Variants in INTS9 observed in about 807,000 individuals in gnomAD.
The protein encoded by INTS9 is protein related to CPSF subunits of 74 kDa.
In INTS9, 55 loss-of-function variants were observed where a neutral mutation model predicts 79.7. That is an observed-to-expected ratio of 0.69 (90% CI 0.56 to 0.86). The LOEUF (loss-of-function observed/expected upper bound fraction) is 0.86. INTS9 is among the 40% of genes least tolerant of loss of function. The pLI, the probability that INTS9 is intolerant of heterozygous loss-of-function variation, is 0.00. For synonymous variants in INTS9, 319 were observed against 325.2 expected, an observed-to-expected ratio of 0.98 and a Z score of 0.20; for missense variants, 721 against 831.5, an observed-to-expected ratio of 0.87 and a Z score of 1.64.
intron 8 of INTS9, among the ~76,000 whole-genome samples, chr8:28,798,875 T>C (rs1012217595): frequency 6.6e-6 from 1 of 152,208 alleles, no homozygotes; most frequent in African/African-American, 2.4e-5. Flanking sequence ...GAACTACTGA[T>C]TCACACTTGA....
intron 2 of INTS9, among the ~76,000 whole-genome samples, chr8:28,858,232 T>C (rs1027664440): frequency 6.6e-6 from 1 of 152,184 alleles, no homozygotes; most frequent in African/African-American, 2.4e-5. Context: ...TATATACTTG[T>C]TTTCTAGTCA....
chr8:28,816,889 T>C lies in INTS9; in HGVS notation c.489-3277A>G, dbSNP rs527450846. Among the ~76,000 whole-genome samples, 276 of 152,294 alleles carry C rather than the reference T, an allele frequency of 1.8e-3. 1 individual carries two copies. Among genetic ancestry groups the C allele is most frequent in the African/African-American group, 6.4e-3 (265 of 41,530 alleles). ...TATCTCATTGTGGTTTTCATTTGCA[T>C]TTCTCTGATGGCCAGTGATGGTGAG... On this transcript the variant is annotated intron_variant, in intron 6 of 16. Coordinates refer to ENST00000521022, the MANE Select transcript of INTS9 (RefSeq NM_018250.4).
At chr8:28,880,544 G>A (rs1434512245) in intron 1 of INTS9, among the ~76,000 whole-genome samples, 2 of 151,736 alleles carry the variant, frequency 1.3e-5, no homozygotes, top group African/African-American at 2.4e-5. Context: ...TGCAGATGGA[G>A]TCTCGTTCAC....
chr8:28,874,050 T>C (rs555306389), intron 1 of INTS9, among the ~76,000 whole-genome samples: 1 of 152,350 alleles, frequency 6.6e-6, no homozygotes, highest in African/African-American at 2.4e-5. Context: ...TTCTCCTATG[T>C]AGGTAATTCT....
chr8:28,804,367 C>T (rs1258249601), intron 8 of INTS9, among the ~76,000 whole-genome samples: 2 of 152,194 alleles, frequency 1.3e-5, no homozygotes, highest in African/African-American at 2.4e-5. Context: ...CAGGCAATCG[C>T]CTCTACTGCG....
At chr8:28,845,382 G>C (rs570915483) in intron 4 of INTS9, among the ~76,000 whole-genome samples, 4 of 152,106 alleles carry the variant, frequency 2.6e-5, no homozygotes, top group Non-Finnish European at 4.4e-5. Context: ...CTTTAAAACA[G>C]TGACTATTAC....
At chr8:28,797,173 C>G (rs780639253) in intron 8 of INTS9, among the ~76,000 whole-genome samples, 8 of 152,300 alleles carry the variant, frequency 5.3e-5, no homozygotes, top group Admixed American at 1.3e-4. Context: ...CCAGGAGATG[C>G]TGCCATTGCC....
intron 6 of INTS9, among the ~76,000 whole-genome samples, chr8:28,816,567 G>A (rs1432596193): frequency 2.0e-5 from 3 of 149,358 alleles, no homozygotes; most frequent in African/African-American, 5.0e-5. Flanking sequence ...TGGACATTTG[G>A]GTTGGTTCCA....
intron 1 of INTS9, among the ~76,000 whole-genome samples, chr8:28,875,676 C>T (rs1385037192): frequency 1.3e-5 from 2 of 152,118 alleles, no homozygotes; most frequent in Non-Finnish European, 2.9e-5. Flanking sequence ...TAAGATTAAC[C>T]TTCTATAATC....
chr8:28,829,375 G>A (rs1806340776), intron 6 of INTS9, among the ~76,000 whole-genome samples: 1 of 152,168 alleles, frequency 6.6e-6, no homozygotes, highest in East Asian at 1.9e-4. Context: ...TTAGGAAGAA[G>A]GATGACTTAA....
At chr8:28,809,316 A>G (rs1483109142) in intron 8 of INTS9, among the ~76,000 whole-genome samples, 3 of 152,142 alleles carry the variant, frequency 2.0e-5, no homozygotes, top group Non-Finnish European at 2.9e-5. Context: ...CTGTACTTCA[A>G]CAAAATATTA....
intron 1 of INTS9, among the ~76,000 whole-genome samples, chr8:28,863,636 C>T (rs1808571099): frequency 6.6e-6 from 1 of 152,106 alleles, no homozygotes. Context: ...ATTAGCTGGG[C>T]ATGGTGGCGA....
At chr8:28,797,379 T>C (rs997283679) in intron 8 of INTS9, among the ~76,000 whole-genome samples, 2 of 152,140 alleles carry the variant, frequency 1.3e-5, no homozygotes, top group Admixed American at 6.5e-5. Flanking sequence ...TCAAATCTAC[T>C]CCCAATTCCA....
At position 28,814,011 on chromosome 8, in the gene INTS9, G is replaced by A. The variant is rs1032944843; in HGVS notation, c.489-399C>T. On this transcript the variant is annotated intron_variant, in intron 6 of 16. Coordinates refer to ENST00000521022, the MANE Select transcript of INTS9 (RefSeq NM_018250.4). ...CCTGACCTTGTGATAGGCCCAACTC[G>A]GCCTCCCAAAGTGCTGGGATTACAG... 6.6e-5 allele frequency among the ~76,000 whole-genome samples: 10 copies of A among 151,244 alleles called. No individual in the cohort carries two copies. The South Asian group carries it at 1.5e-3, about 22-fold the overall frequency.
intron 1 of INTS9, among the ~76,000 whole-genome samples, chr8:28,867,613 T>G (rs1808832137): frequency 6.7e-6 from 1 of 149,468 alleles, no homozygotes; most frequent in African/African-American, 2.5e-5. Flanking sequence ...AAAAGCAGTA[T>G]GAAATACTGT....
chr8:28,781,069 G>T, intron 11 of INTS9, 75 bp from the exon 12 acceptor site: 2 of 1,170,050 alleles, frequency 1.7e-6, no homozygotes, highest in Non-Finnish European at 2.5e-6. Flanking sequence ...ACGGGAGGGT[G>T]AGCGGGACTG....
At chr8:28,853,672 A>T (rs1020889823) in intron 2 of INTS9, among the ~76,000 whole-genome samples, 2 of 152,226 alleles carry the variant, frequency 1.3e-5, no homozygotes, top group African/African-American at 4.8e-5. Flanking sequence ...TTGTTTATAC[A>T]GTCGAACTTT....
intron 2 of INTS9, among the ~76,000 whole-genome samples, chr8:28,852,855 G>A (rs1376630076): frequency 6.6e-6 from 1 of 152,212 alleles, no homozygotes; most frequent in East Asian, 1.9e-4. Flanking sequence ...TAGTAGATGA[G>A]ACTGAATGCT....
intron 10 of INTS9, among the ~76,000 whole-genome samples, chr8:28,788,699 G>C (rs1317711886): frequency 6.6e-6 from 1 of 152,192 alleles, no homozygotes; most frequent in African/African-American, 2.4e-5. Flanking sequence ...GATTACAGGC[G>C]TGAGCCACTG....
Sources: allele counts gnomAD v4.1 joint callset (sites outside exome capture counted in the v4.1 genomes callset), GRCh38; gene constraint gnomAD v4.1.1; transcripts MANE v1.5; gene names NCBI Gene and HGNC (gene_info 2026-07-23, HGNC 2026-07-21).